Variants in PDE4B observed in about 807,000 individuals in gnomAD.
PDE4B encodes the protein phosphodiesterase 4B, also known as 3',5'-cyclic-AMP phosphodiesterase 4B.
PDE4B carries 20 observed loss-of-function variants against 82.2 expected under a neutral mutation model. The ratio of observed to expected loss-of-function variants is 0.24; its 90% CI spans 0.17 to 0.35. PDE4B has a LOEUF of 0.35. Ranked by LOEUF, PDE4B falls within the 10% of genes least tolerant of loss-of-function variation. The pLI is 1.00. For missense variants in PDE4B, 655 were observed against 907.2 expected (o/e 0.72, Z 3.57); for synonymous variants, 320 against 318.9 (o/e 1.00, Z -0.04).
intron 3 of PDE4B, among the ~76,000 whole-genome samples, chr1:66,233,689 AAT>A (rs919942422): frequency 4.0e-4 from 54 of 135,576 alleles, no homozygotes; most frequent in Admixed American, 1.2e-3. Context: ...TTGATATGTA[AAT>A]ATATGTGTGT....
chr1:65,856,919 T>C (rs1469972734), intron 1 of PDE4B, among the ~76,000 whole-genome samples: 1 of 152,212 alleles, frequency 6.6e-6, no homozygotes, highest in Non-Finnish European at 1.5e-5. Context: ...CACCTCAGTT[T>C]AATGCAACTG....
chr1:65,861,266 A>G (rs1244393625), intron 1 of PDE4B, among the ~76,000 whole-genome samples: 1 of 151,972 alleles, frequency 6.6e-6, no homozygotes, highest in African/African-American at 2.4e-5. Context: ...TTCTGCATAC[A>G]GCTAGTGAGT....
chr1:65,795,673 G>T (rs1050065295), intron 1 of PDE4B, among the ~76,000 whole-genome samples: 2 of 152,158 alleles, frequency 1.3e-5, no homozygotes, highest in African/African-American at 4.8e-5. Flanking sequence ...TATAAAGGTT[G>T]GGCCATTGCA....
At chr1:66,122,785 A>C (rs913633404) in intron 3 of PDE4B, among the ~76,000 whole-genome samples, 1 of 145,728 alleles carries the variant, frequency 6.9e-6, no homozygotes, top group Admixed American at 7.1e-5. Flanking sequence ...GGCTCACTGC[A>C]ACCTCTGCTT....
intron 3 of PDE4B, among the ~76,000 whole-genome samples, chr1:65,961,184 G>A (rs1251018903): frequency 6.6e-6 from 1 of 152,066 alleles, no homozygotes; most frequent in Non-Finnish European, 1.5e-5. Context: ...GAATGGTGGA[G>A]GCTTGCTACT....
intron 7 of PDE4B, among the ~76,000 whole-genome samples, chr1:66,283,296 A>C (rs1489947244): frequency 6.6e-6 from 1 of 151,972 alleles, no homozygotes; most frequent in East Asian, 1.9e-4. Flanking sequence ...TAAAACATTT[A>C]AAATAGTGCC....
chr1:65,995,230 C>G (rs554306030), intron 3 of PDE4B, among the ~76,000 whole-genome samples: 2 of 152,214 alleles, frequency 1.3e-5, no homozygotes, highest in South Asian at 4.1e-4. Flanking sequence ...CTTAGTAAAA[C>G]AGTTTCACAG....
intron 3 of PDE4B, among the ~76,000 whole-genome samples, chr1:65,924,235 C>T (rs937530242): frequency 5.3e-4 from 78 of 146,324 alleles, no homozygotes; most frequent in Admixed American, 2.2e-3. Flanking sequence ...CCACTACGCC[C>T]GGCTAATTTT....
At chr1:66,110,618 T>A (rs1310593758) in intron 3 of PDE4B, among the ~76,000 whole-genome samples, 1 of 152,092 alleles carries the variant, frequency 6.6e-6, no homozygotes, top group Non-Finnish European at 1.5e-5. Flanking sequence ...TGTGTTTTTG[T>A]CTTGCTTCCA....
chr1:66,185,771 C>T (rs1248247085), intron 3 of PDE4B, among the ~76,000 whole-genome samples: 1 of 151,028 alleles, frequency 6.6e-6, no homozygotes, highest in Admixed American at 6.6e-5. Flanking sequence ...AAAATTTTCT[C>T]CCATTCTGTA....
At chr1:66,081,925 C>A (rs964621770) in intron 3 of PDE4B, among the ~76,000 whole-genome samples, 4 of 151,506 alleles carry the variant, frequency 2.6e-5, no homozygotes, top group African/African-American at 9.7e-5. Context: ...ATAGCATGTA[C>A]TCATTTCACA....
At chr1:65,882,312 T>A (rs1303850761) in intron 1 of PDE4B, among the ~76,000 whole-genome samples, 1 of 152,202 alleles carries the variant, frequency 6.6e-6, no homozygotes, top group African/African-American at 2.4e-5. Context: ...ACTTTCAGAA[T>A]TCTGAGCTGT....
intron 3 of PDE4B, among the ~76,000 whole-genome samples, chr1:66,016,758 T>C (rs1024547917): frequency 3.3e-5 from 5 of 152,192 alleles, no homozygotes; most frequent in African/African-American, 1.2e-4. Flanking sequence ...ATAGTTTATG[T>C]ATTTATCTTC....
intron 3 of PDE4B, among the ~76,000 whole-genome samples, chr1:66,015,404 T>C (rs1652713219): frequency 6.6e-6 from 1 of 152,158 alleles, no homozygotes; most frequent in African/African-American, 2.4e-5. Context: ...CCCAGGCTTG[T>C]GTTTAAAATT....
At chr1:66,023,034 G>A (rs1653227511) in intron 3 of PDE4B, among the ~76,000 whole-genome samples, 2 of 151,960 alleles carry the variant, frequency 1.3e-5, no homozygotes, top group African/African-American at 4.8e-5. Flanking sequence ...GTTTAGTCTT[G>A]GACTCTTACC....
intron 9 of PDE4B, among the ~76,000 whole-genome samples, chr1:66,358,604 A>T (rs892534250): frequency 6.7e-6 from 1 of 149,224 alleles, no homozygotes; most frequent in African/African-American, 2.5e-5. Flanking sequence ...AATCCAGGAG[A>T]TGGAGGTTGC....
chr1:66,258,118 G>A (rs1376062594), intron 6 of PDE4B, among the ~76,000 whole-genome samples: 1 of 152,082 alleles, frequency 6.6e-6, no homozygotes, highest in African/African-American at 2.4e-5. Context: ...ACAAATGAAA[G>A]AACAAAAGGA....
At chr1:66,338,557 T>G (rs1660698651) in intron 8 of PDE4B, among the ~76,000 whole-genome samples, 1 of 152,192 alleles carries the variant, frequency 6.6e-6, no homozygotes, top group Non-Finnish European at 1.5e-5. Context: ...ATAATAGTAT[T>G]AAACTAATCC....
intron 1 of PDE4B, among the ~76,000 whole-genome samples, chr1:65,809,383 A>T (rs1570958507): frequency 6.6e-6 from 1 of 150,774 alleles, no homozygotes; most frequent in East Asian, 1.9e-4. Flanking sequence ...AATTCAGAAG[A>T]TGCATCAAAA....
Sources: gnomAD v4.1 joint callset for allele counts (sites outside exome capture counted in the v4.1 genomes callset) on GRCh38, gnomAD v4.1.1 for gene constraint, MANE v1.5 for transcripts, NCBI Gene and HGNC (gene_info 2026-07-23, HGNC 2026-07-21) for gene names.